The following DGKK variants were observed in gnomAD, a reference collection of about 807,000 sequenced individuals.
DGKK encodes 142 kDa diacylglycerol kinase.
DGKK carries 35 observed loss-of-function variants against 92.2 expected under a neutral mutation model. That is an observed-to-expected ratio of 0.38 (90% CI 0.29 to 0.50). The LOEUF is 0.50. DGKK is among the 20% of genes least tolerant of loss of function. The probability of loss-of-function intolerance (pLI) is 0.92; values close to 1 mark genes in which losing one functional copy is unlikely to be tolerated. For synonymous variants in DGKK, 368 were observed against 360.6 expected (o/e 1.02, Z -0.23); for missense variants, 910 against 992.2 (o/e 0.92, Z 1.11).
At chrX:50,436,117 A>G (rs782392598) in intron 1 of DGKK, among the ~76,000 whole-genome samples, 8 of 112,235 alleles carry the variant, frequency 7.1e-5, no homozygotes, top group Non-Finnish European at 1.5e-4. Context: ...CCTTGGTTCC[A>G]CAGAAATTAC....
chrX:50,396,560 G>T (rs1247101922), intron 8 of DGKK, among the ~76,000 whole-genome samples: 1 of 111,869 alleles, frequency 8.9e-6, no homozygotes, highest in African/African-American at 3.2e-5. Flanking sequence ...AGGAAGCTTA[G>T]GGAGAAAATT....
At chrX:50,391,385 G>A (rs1934192) in intron 11 of DGKK, 52 bp downstream of exon 11, 293,346 of 1,187,222 alleles carry the variant, frequency 0.25, 26,797 homozygotes, top group Admixed American at 0.42. Context: ...GAGATGATGT[G>A]AGTGATGTGG....
intron 20 of DGKK, 85 bp downstream of exon 20, chrX:50,379,542 C>T (rs1395357543): frequency 5.0e-6 from 4 of 795,268 alleles, no homozygotes; most frequent in Non-Finnish European, 7.5e-6. Flanking sequence ...GTCTATTTTT[C>T]ACTTCAGTTA....
intron 7 of DGKK, among the ~76,000 whole-genome samples, chrX:50,401,580 T>C (rs1407567410): frequency 9.1e-6 from 1 of 110,485 alleles, no homozygotes; most frequent in Admixed American, 9.6e-5. Flanking sequence ...CTCAGAGAGG[T>C]AAAGGGTTTT....
At chrX:50,466,527 T>C (rs781904391) in intron 1 of DGKK, among the ~76,000 whole-genome samples, 1 of 111,966 alleles carries the variant, frequency 8.9e-6, no homozygotes, top group Non-Finnish European at 1.9e-5. Flanking sequence ...AATGGAAAGA[T>C]TGACTGTATT....
At chrX:50,455,043 T>C (rs1350296208) in intron 1 of DGKK, among the ~76,000 whole-genome samples, 5 of 112,177 alleles carry the variant, frequency 4.5e-5, no homozygotes, top group Non-Finnish European at 9.4e-5. Context: ...TCCATTTTGT[T>C]CTTTCCACAA....
In DGKK at chrX:50,392,617, A is replaced by G. The variant is rs782420150; in HGVS notation, c.1596-168T>C. On this transcript the variant is annotated intron_variant, in intron 9 of 27. Transcript: ENST00000611977. Reference sequence around the variant, plus strand: ...TCTGTGGGATCTAAGACCATAGACCATCCCAGAGATCAGGCTTTGCCTCAA... The same window carrying G: ...TCTGTGGGATCTAAGACCATAGACCGTCCCAGAGATCAGGCTTTGCCTCAA... 3.6e-4 allele frequency among the ~76,000 whole-genome samples: 40 copies of G among 112,472 alleles called. No individual in the cohort carries two copies. In the South Asian group the frequency reaches 0.011, roughly 30 times the overall value.
intron 13 of DGKK, among the ~76,000 whole-genome samples, 152 bp from the exon 14 acceptor site, chrX:50,387,805 C>T (rs899093000): frequency 1.8e-5 from 2 of 110,540 alleles, no homozygotes; most frequent in East Asian, 5.7e-4. Flanking sequence ...TTTCTCTCTG[C>T]TTTTTTTTTC....
chrX:50,374,256 G>T (rs1314114819), intron 25 of DGKK, among the ~76,000 whole-genome samples: 3 of 111,833 alleles, frequency 2.7e-5, no homozygotes, highest in African/African-American at 9.8e-5. Context: ...GCCTTGTGAA[G>T]ACAGAGAAAC....
intron 8 of DGKK, among the ~76,000 whole-genome samples, chrX:50,393,816 G>C (rs1332094370): frequency 8.9e-6 from 1 of 111,871 alleles, no homozygotes; most frequent in East Asian, 2.8e-4. Flanking sequence ...GGTCAGGAGA[G>C]AGGGGAAGGA....
intron 2 of DGKK, among the ~76,000 whole-genome samples, chrX:50,422,911 G>C (rs1380804740): frequency 8.9e-6 from 1 of 111,907 alleles, no homozygotes; most frequent in Non-Finnish European, 1.9e-5. Context: ...ATTTTATTGG[G>C]TGGCAACCTT....
chrX:50,420,910 C>T (rs1343443546), intron 3 of DGKK, among the ~76,000 whole-genome samples: 1 of 111,600 alleles, frequency 9.0e-6, no homozygotes, highest in African/African-American at 3.3e-5. Context: ...GAATTGAAAT[C>T]CAGATTCTTT....
At position 50,470,635 on chromosome X, in the gene DGKK, T is replaced by C. The variant is rs1927053418; in HGVS notation, c.44A>G (p.Gln15Arg). ...AGACTCAGCGGGCTGCTCTCCATCC[T>C]GAGGCGGGGCAGTGCCCTGGGCTGC... is the stretch of plus-strand genomic sequence containing the variant. ...AAAAQGTAPP[Q>R]DGEQPAESPE... is the part of the protein sequence containing the mutation. The change falls in exon 1 of 28, where the codon CAG (glutamine) becomes CGG (arginine). Residue 15 changes from glutamine (Q) to arginine (R), a missense_variant. By Grantham distance (43) the Gln-to-Arg change is conservative (BLOSUM62 1). Coordinates refer to ENST00000611977, the MANE Select transcript of DGKK (RefSeq NM_001013742.4). The C allele has an allele frequency of 3.5e-6, 4 of 1,151,379 alleles. No individual in the cohort carries two copies. Among genetic ancestry groups the C allele is most frequent in the African/African-American group, 3.5e-5 (2 of 56,439 alleles). The allele number at this position is 1,151,379 out of a possible 1,213,427, so 94.9% of individuals were successfully genotyped here.
chrX:50,391,400 G>A (rs1212290955), intron 11 of DGKK, 37 bp downstream of exon 11: 1 of 1,201,788 alleles, frequency 8.3e-7, no homozygotes, highest in Non-Finnish European at 1.1e-6. Context: ...ATGTGGGACA[G>A]GAAGAGGCAC....
intron 1 of DGKK, among the ~76,000 whole-genome samples, chrX:50,447,592 C>G (rs1273429143): frequency 9.8e-6 from 1 of 101,642 alleles, no homozygotes; most frequent in Non-Finnish European, 2.0e-5. Context: ...ATTCTATGAG[C>G]TTACATTGTC....
chrX:50,461,892 G>A (rs1422257714), intron 1 of DGKK, among the ~76,000 whole-genome samples: 3 of 111,356 alleles, frequency 2.7e-5, no homozygotes, highest in Admixed American at 9.5e-5. Context: ...CCCTTTTATC[G>A]CCCTGCAGGA....
At chrX:50,405,663 T>C (rs1557227207) in intron 4 of DGKK, among the ~76,000 whole-genome samples, 1 of 111,204 alleles carries the variant, frequency 9.0e-6, no homozygotes, top group African/African-American at 3.3e-5. Context: ...GACCACTCCT[T>C]CCCACTTCTG....
At chrX:50,436,791 T>G in intron 1 of DGKK, among the ~76,000 whole-genome samples, 1 of 110,238 alleles carries the variant, frequency 9.1e-6, no homozygotes, top group African/African-American at 3.3e-5. Flanking sequence ...CATTAAGTAG[T>G]AAACTTGTTC....
At chrX:50,462,390 CTT>C (rs782504562) in intron 1 of DGKK, among the ~76,000 whole-genome samples, 13 of 60,474 alleles carry the variant, frequency 2.1e-4, no homozygotes, top group Admixed American at 7.4e-4. Context: ...GAAGTGAGTG[CTT>C]TTTTTTTTTT....
Sources: gnomAD v4.1 joint callset for allele counts (sites outside exome capture counted in the v4.1 genomes callset) on GRCh38, gnomAD v4.1.1 for gene constraint, MANE v1.5 for transcripts, NCBI Gene and HGNC (gene_info 2026-07-23, HGNC 2026-07-21) for gene names.